TOPBP1: variants seen among roughly 807,000 people sequenced by gnomAD.
TOPBP1 encodes the protein DNA topoisomerase 2-binding protein 1.
A neutral mutation model predicts 167.7 loss-of-function variants in TOPBP1; 28 were observed. The ratio of observed to expected loss-of-function variants is 0.17; its 90% CI spans 0.12 to 0.23. The LOEUF (loss-of-function observed/expected upper bound fraction) is 0.23, where lower values mean the gene tolerates loss of function less well. Ranked by LOEUF, TOPBP1 falls within the 10% of genes least tolerant of loss-of-function variation. The probability of loss-of-function intolerance (pLI) is 1.00; values close to 1 mark genes in which losing one functional copy is unlikely to be tolerated. For missense variants in TOPBP1, 1,554 were observed against 1,809.6 expected (o/e 0.86, Z 2.56); for synonymous variants, 598 against 611.4 (o/e 0.98, Z 0.32).
intron 8 of TOPBP1, among the ~76,000 whole-genome samples, chr3:133,650,381 G>T (rs946882451): frequency 1.6e-4 from 15 of 96,546 alleles, no homozygotes; most frequent in African/African-American, 3.9e-4. Context: ...CGGGGGGAGG[G>T]GTTGTTTTTT....
chr3:133,639,683 A>T (rs562055120), intron 13 of TOPBP1, among the ~76,000 whole-genome samples: 2 of 152,206 alleles, frequency 1.3e-5, no homozygotes, highest in Non-Finnish European at 2.9e-5. Context: ...AGAGCAGGCA[A>T]CTGTGAGGTG....
chr3:133,602,889 T>C (rs898574798), intron 27 of TOPBP1, among the ~76,000 whole-genome samples: 2 of 149,904 alleles, frequency 1.3e-5, no homozygotes, highest in African/African-American at 2.5e-5. Context: ...TCTACCTTTT[T>C]TCATTTTTTT....
Position 133,612,501 on chromosome 3 carries a change from A to G in TOPBP1, c.3923T>C (p.Val1308Ala). The G allele has an allele frequency of 6.2e-7, 1 of 1,613,954 alleles. No individual in the cohort carries two copies. The highest frequency in any genetic ancestry group is 8.5e-7 in the Non-Finnish European group (1 of 1,179,840). The change falls in exon 24 of 28, where the codon GTT becomes GCT. Residue 1308 changes from valine (V) to alanine (A), a missense_variant. Around this residue, in one of 3 missense-constraint regions of TOPBP1, gnomAD observed 351 missense variants for 432.9 expected, o/e 0.81. Coordinates refer to ENST00000260810, the MANE Select transcript of TOPBP1 (RefSeq NM_007027.4). Reference sequence around the variant, plus strand: ...CTCGTTTCGAAGTGGATGTCCCACAACAATGTGTGTACAGGTGGGATCAAA... The same window carrying G: ...CTCGTTTCGAAGTGGATGTCCCACAGCAATGTGTGTACAGGTGGGATCAAA... ...QCFDPTCTHIVVGHPLRNEKY... is the reference protein window; with the variant it reads ...QCFDPTCTHIAVGHPLRNEKY...
chr3:133,618,284 T>A lies in TOPBP1; in HGVS notation c.3521A>T (p.Gln1174Leu), dbSNP rs1232737852. ...ATCCTCCAAGTTTTGAATGTCAACCTGAAGCTCAGAGTATTGTGTGGGACA... is the reference window on the plus strand; with the variant it reads ...ATCCTCCAAGTTTTGAATGTCAACCAGAAGCTCAGAGTATTGTGTGGGACA... Reference protein sequence around the residue: ...PSCPTQYSELQVDIQNLEDSP... With the variant: ...PSCPTQYSELLVDIQNLEDSP... The change falls in exon 21 of 28, where the codon CAG becomes CTG. Residue 1174 changes from glutamine to leucine, a missense_variant. Physicochemically the swap from Gln to Leu is moderately radical, Grantham distance 113. Around this residue, in one of 3 missense-constraint regions of TOPBP1, gnomAD observed 351 missense variants for 432.9 expected, o/e 0.81. Coordinates refer to ENST00000260810, the MANE Select transcript of TOPBP1 (RefSeq NM_007027.4). 1 of 1,613,998 alleles carries A rather than the reference T, an allele frequency of 6.2e-7. No individual in the cohort carries two copies.
chr3:133,640,174 A>C lies in TOPBP1; in HGVS notation c.2022-4T>G. On this transcript the variant is annotated splice_polypyrimidine_tract_variant and splice_region_variant and intron_variant, in intron 12 of 27. Coordinates refer to ENST00000260810, the MANE Select transcript of TOPBP1 (RefSeq NM_007027.4). ...GCGAACAAAGTATTCTTGAACACTG[A>C]AATTTATGTTTAAAGAAGTGGAAAT... 1 of 1,609,496 alleles carries C rather than the reference A, an allele frequency of 6.2e-7. No individual in the cohort carries two copies. The highest frequency in any genetic ancestry group is 8.5e-7 in the Non-Finnish European group (1 of 1,177,424).
chr3:133,651,343 C>A (rs909444099), intron 8 of TOPBP1, among the ~76,000 whole-genome samples: 16 of 151,664 alleles, frequency 1.1e-4, no homozygotes, highest in Non-Finnish European at 2.2e-4. Context: ...CCTGCCACAA[C>A]GCCCAGCTAA....
chr3:133,606,645 A>G (rs1445822885), intron 27 of TOPBP1, among the ~76,000 whole-genome samples: 1 of 152,174 alleles, frequency 6.6e-6, no homozygotes, highest in Non-Finnish European at 1.5e-5. Flanking sequence ...GTACAGCTAC[A>G]GTAATCAAGA....
chr3:133,615,230 G>A (rs940380482), intron 23 of TOPBP1, among the ~76,000 whole-genome samples: 1 of 152,142 alleles, frequency 6.6e-6, no homozygotes, highest in African/African-American at 2.4e-5. Flanking sequence ...AGCACTTTGG[G>A]AGGCCAAGGT....
At chr3:133,624,484 C>T (rs1274467121) in intron 16 of TOPBP1, among the ~76,000 whole-genome samples, 1 of 152,106 alleles carries the variant, frequency 6.6e-6, no homozygotes, top group Non-Finnish European at 1.5e-5. Context: ...AAGAAAAAAA[C>T]AGTTAAAAAA....
chr3:133,657,941 G>C lies in TOPBP1; in HGVS notation c.220C>G (p.Leu74Val). The C allele has an allele frequency of 6.5e-7, 1 of 1,544,436 alleles. No individual in the cohort carries two copies. The highest frequency in any genetic ancestry group is 8.7e-7 in the Non-Finnish European group (1 of 1,153,720). ...TGAGGACCAACAATTCTGCAGCCAAGCTACAAAAAAGAGAAAAGTTTAAAT... is the reference window on the plus strand; with the variant it reads ...TGAGGACCAACAATTCTGCAGCCAACCTACAAAAAAGAGAAAAGTTTAAAT... Reference protein sequence around the residue: ...SGVVFDHLKKLGCRIVGPQVV... With the variant: ...SGVVFDHLKKVGCRIVGPQVV... Residue 74 changes from leucine (L) to valine (V), a missense_variant and splice_region_variant, in exon 4 of 28, where the codon CTT becomes GTT. Physicochemically the swap from Leu to Val is conservative, Grantham distance 32. Transcript: ENST00000260810.
intron 16 of TOPBP1, among the ~76,000 whole-genome samples, chr3:133,625,281 T>C (rs1935232986): frequency 1.3e-5 from 2 of 152,322 alleles, no homozygotes; most frequent in South Asian, 4.1e-4. Flanking sequence ...CAATATTCTC[T>C]TGACCTGGGA....
At chr3:133,623,508 T>C (rs763960306) in intron 17 of TOPBP1, 51 bp from the exon 18 acceptor site, 23 of 1,538,954 alleles carry the variant, frequency 1.5e-5, no homozygotes, top group East Asian at 2.3e-5. Flanking sequence ...TCTTAATGAA[T>C]AGATGATGTT....
At chr3:133,651,869 T>A (rs1030913997) in intron 8 of TOPBP1, among the ~76,000 whole-genome samples, 1 of 152,200 alleles carries the variant, frequency 6.6e-6, no homozygotes. Context: ...ATATATATAT[T>A]AACACACATA....
intron 11 of TOPBP1, 48 bp from the exon 12 acceptor site, chr3:133,643,420 A>G: frequency 6.7e-7 from 1 of 1,499,066 alleles, no homozygotes; most frequent in South Asian, 1.3e-5. Flanking sequence ...ATAAGCAACC[A>G]GTGGTTAACA....
At chr3:133,602,541 C>T (rs147628252) in intron 27 of TOPBP1, among the ~76,000 whole-genome samples, 193 of 152,226 alleles carry the variant, frequency 1.3e-3, no homozygotes, top group African/African-American at 3.8e-3. Context: ...AAAAGCAAAA[C>T]CTATTTAAAG....
intron 27 of TOPBP1, among the ~76,000 whole-genome samples, chr3:133,604,022 AAGAT>A (rs1174750242): frequency 6.6e-6 from 1 of 151,966 alleles, no homozygotes. Context: ...ACAAATTAAA[AAGAT>A]AGAAAAAAAA....
chr3:133,640,648 T>G (rs1178723164), intron 12 of TOPBP1, among the ~76,000 whole-genome samples: 3 of 152,118 alleles, frequency 2.0e-5, no homozygotes, highest in Non-Finnish European at 4.4e-5. Flanking sequence ...TGAGCTCAAG[T>G]GATCCTCCTG....
intron 8 of TOPBP1, among the ~76,000 whole-genome samples, chr3:133,651,732 T>G (rs1936312544): frequency 6.6e-6 from 1 of 152,118 alleles, no homozygotes; most frequent in Non-Finnish European, 1.5e-5. Flanking sequence ...GAATACAGAC[T>G]TTGGAGTAGA....
chr3:133,623,304 C>G lies in TOPBP1; in HGVS notation c.3075+7G>C, dbSNP rs371344093. On this transcript the variant is annotated splice_region_variant and intron_variant, in intron 18 of 27. Coordinates refer to ENST00000260810, the MANE Select transcript of TOPBP1 (RefSeq NM_007027.4). ...GAGGGGGTAAATGTATCATCCATAT[C>G]TCCTACCTCATCATCCTTTGTTGAA... 2.7e-5 allele frequency: 44 copies of G among 1,613,374 alleles called. No individual in the cohort carries two copies. The highest frequency in any genetic ancestry group is 3.7e-5 in the Non-Finnish European group (44 of 1,179,688).
Sources: gnomAD v4.1 joint callset for allele counts (sites outside exome capture counted in the v4.1 genomes callset) on GRCh38, gnomAD v4.1.1 for gene constraint, gnomAD v4.1.1 regional missense constraint, MANE v1.5 for transcripts, NCBI Gene and HGNC (gene_info 2026-07-23, HGNC 2026-07-21) for gene names.